The following EEA1 variants were observed in gnomAD, a reference collection of about 807,000 sequenced individuals.
EEA1 encodes the protein early endosome antigen 1.
A neutral mutation model predicts 209.2 loss-of-function variants in EEA1; 111 were observed. That is an observed-to-expected ratio of 0.53 (90% CI 0.45 to 0.62). The LOEUF (loss-of-function observed/expected upper bound fraction) is 0.62. Ranked by LOEUF, EEA1 falls within the 20% of genes least tolerant of loss-of-function variation. The pLI is 0.00. For missense variants in EEA1, 1,343 were observed against 1,530.8 expected, an observed-to-expected ratio of 0.88 and a Z score of 2.05; for synonymous variants, 536 against 540.6, an observed-to-expected ratio of 0.99 and a Z score of 0.12.
At chr12:92,820,121 A>G (rs548281076) in intron 13 of EEA1, among the ~76,000 whole-genome samples, 54 of 152,272 alleles carry the variant, frequency 3.5e-4, no homozygotes, top group African/African-American at 1.3e-3. Context: ...TGTATACTCT[A>G]AAAAGGATTT....
intron 1 of EEA1, among the ~76,000 whole-genome samples, chr12:92,896,159 A>G (rs1044206852): frequency 2.0e-5 from 3 of 151,974 alleles, no homozygotes; most frequent in African/African-American, 4.8e-5. Context: ...TTTTTAGTAG[A>G]GACAGGGTTT....
At chr12:92,907,776 T>C (rs965830473) in intron 1 of EEA1, among the ~76,000 whole-genome samples, 4 of 152,186 alleles carry the variant, frequency 2.6e-5, no homozygotes, top group South Asian at 2.1e-4. Context: ...TAGTCAATAA[T>C]ATCCTCATTT....
intron 21 of EEA1, among the ~76,000 whole-genome samples, chr12:92,790,030 T>G (rs116600270): frequency 0.021 from 3,241 of 152,310 alleles, 125 homozygotes; most frequent in African/African-American, 0.075. Context: ...CCAACAGATC[T>G]GCAGCTGAGG....
chr12:92,905,785 T>C (rs1880358229), intron 1 of EEA1, among the ~76,000 whole-genome samples: 1 of 152,226 alleles, frequency 6.6e-6, no homozygotes, highest in Admixed American at 6.5e-5. Flanking sequence ...TATTGTTTAC[T>C]TATGCAATAT....
intron 17 of EEA1, among the ~76,000 whole-genome samples, chr12:92,810,651 A>T (rs528201771): frequency 1.5e-4 from 22 of 151,674 alleles, no homozygotes; most frequent in Admixed American, 3.3e-4. Context: ...CTCAATTTTT[A>T]AAAATTTTTT....
At position 92,835,400 on chromosome 12, in the gene EEA1, C is replaced by CT. The variant is rs140302130; in HGVS notation, c.916-2551dup. ...ATACACCCTTGAGATAGTTTCACTC[C>CT]TTTTTTTTTTTTTTTTTTTTTTTTT... is the stretch of plus-strand genomic sequence containing the variant. On this transcript the variant is annotated intron_variant, in intron 10 of 28. Transcript: ENST00000322349. The CT allele has an allele frequency of 8.6e-4, 133 of 154,396 alleles. 6 individuals carry two copies. Among genetic ancestry groups the CT allele is most frequent in the African/African-American group, 2.7e-3 (36 of 13,178 alleles). The allele number at this position is 154,396 out of a possible 1,614,324, so 9.6% of individuals were successfully genotyped here. A position where few individuals can be genotyped will look rare whatever the true frequency, so the allele number is the denominator to read the frequency against.
chr12:92,879,220 A>AT, intron 2 of EEA1: 1 of 142,578 alleles, frequency 7.0e-6, no homozygotes, highest in South Asian at 8.4e-5. Flanking sequence ...TTTTTTTTGT[A>AT]TTTTGGAATA....
chr12:92,825,317 G>A (rs887096295), intron 13 of EEA1, among the ~76,000 whole-genome samples: 1 of 152,086 alleles, frequency 6.6e-6, no homozygotes, highest in Non-Finnish European at 1.5e-5. Context: ...CGGGCACGGT[G>A]GCGGACGCCT....
Position 92,819,442 on chromosome 12 carries a change from A to G in EEA1, c.1594T>C (p.Leu532=). The G allele has an allele frequency of 6.2e-7, 1 of 1,612,210 alleles. No homozygotes were observed. Among genetic ancestry groups the G allele is most frequent in the Non-Finnish European group, 8.5e-7 (1 of 1,179,238 alleles). Residue 532 remains leucine (L), a synonymous_variant, in exon 14 of 29, where the codon TTA becomes CTA. Coordinates refer to ENST00000322349, the MANE Select transcript of EEA1 (RefSeq NM_003566.4). ...GAAATATTTTCTTTACTCTTCTGTA[A>G]TAAAGCTTCAAGGTTCTGGATCTTT... ...DQKIQNLEAL[L]QKSKENISLL...
intron 21 of EEA1, among the ~76,000 whole-genome samples, chr12:92,789,738 T>C (rs535182407): frequency 1.3e-5 from 2 of 152,232 alleles, no homozygotes; most frequent in South Asian, 2.1e-4. Context: ...GACTTAAACG[T>C]CCCTGTCTGA....
intron 1 of EEA1, among the ~76,000 whole-genome samples, chr12:92,904,055 C>T (rs574952443): frequency 7.2e-5 from 11 of 151,994 alleles, no homozygotes; most frequent in South Asian, 2.1e-4. Flanking sequence ...CCCCGCCTCC[C>T]GGGTTCAAGC....
chr12:92,823,692 T>C (rs1876166033), intron 13 of EEA1, among the ~76,000 whole-genome samples: 2 of 152,208 alleles, frequency 1.3e-5, no homozygotes, highest in African/African-American at 2.4e-5. Context: ...CCTTTCTGTA[T>C]TCCTCCCCAG....
At chr12:92,817,068 A>AT (rs1221777743) in intron 14 of EEA1, among the ~76,000 whole-genome samples, 1 of 151,154 alleles carries the variant, frequency 6.6e-6, no homozygotes, top group Non-Finnish European at 1.5e-5. Flanking sequence ...ATCCATTGAA[A>AT]TTTTAAAAAT....
Position 92,929,083 on chromosome 12 carries a change from G to A in EEA1, c.-17C>T. The stretch of plus-strand genomic sequence containing the variant: ...CCTTAACATGGTTTAACCACCACCC[G>A]GCGCCGCCGCGGTGACTCTCCAGAC... On this transcript the variant is annotated 5_prime_UTR_variant, in exon 1 of 29. Coordinates refer to ENST00000322349, the MANE Select transcript of EEA1 (RefSeq NM_003566.4). 2 of 1,587,780 alleles carry A rather than the reference G, an allele frequency of 1.3e-6. No individual in the cohort carries two copies. The highest frequency in any genetic ancestry group is 1.8e-5 in the Admixed American group (1 of 56,928).
At chr12:92,814,064 A>T (rs533034952) in intron 15 of EEA1, among the ~76,000 whole-genome samples, 1 of 152,216 alleles carries the variant, frequency 6.6e-6, no homozygotes, top group East Asian at 1.9e-4. Flanking sequence ...ATATGTAAAA[A>T]CATGTATTTA....
intron 9 of EEA1, among the ~76,000 whole-genome samples, chr12:92,845,487 T>C (rs915923096): frequency 6.6e-6 from 1 of 150,376 alleles, no homozygotes; most frequent in Non-Finnish European, 1.5e-5. Flanking sequence ...ATACTGACCT[T>C]CTTCTCTAAT....
At chr12:92,910,044 G>A (rs1247280148) in intron 1 of EEA1, among the ~76,000 whole-genome samples, 2 of 152,208 alleles carry the variant, frequency 1.3e-5, no homozygotes, top group East Asian at 3.8e-4. Context: ...TTGAGAGGCT[G>A]AGGCAGAAGA....
At chr12:92,867,488 T>C (rs1331934781) in intron 2 of EEA1, among the ~76,000 whole-genome samples, 1 of 152,126 alleles carries the variant, frequency 6.6e-6, no homozygotes, top group African/African-American at 2.4e-5. Context: ...TTTAATAGCT[T>C]ACAGATTATA....
intron 3 of EEA1, among the ~76,000 whole-genome samples, chr12:92,859,627 A>G (rs1878042120): frequency 6.6e-6 from 1 of 152,212 alleles, no homozygotes; most frequent in Admixed American, 6.5e-5. Context: ...CAGGTGATCC[A>G]TGTAACTGCC....
Sources: allele counts gnomAD v4.1 joint callset (sites outside exome capture counted in the v4.1 genomes callset), GRCh38; gene constraint gnomAD v4.1.1; transcripts MANE v1.5; gene names NCBI Gene and HGNC (gene_info 2026-07-23, HGNC 2026-07-21).